Variants in LRRFIP2 observed in about 807,000 individuals in gnomAD.
LRRFIP2 encodes leucine-rich repeat flightless-interacting protein 2.
A neutral mutation model predicts 125.9 loss-of-function variants in LRRFIP2; 109 were observed. The observed-to-expected ratio is 0.87, with a 90% CI of 0.74 to 1.01. LRRFIP2 has a LOEUF of 1.01. Ranked by LOEUF, LRRFIP2 falls within the 50% of genes least tolerant of loss-of-function variation. LRRFIP2 has a pLI of 0.00. For synonymous variants in LRRFIP2, 291 were observed against 293.1 expected (o/e 0.99, Z 0.07); for missense variants, 850 against 862.3 (o/e 0.99, Z 0.18).
At chr3:37,126,190 T>C (rs111271236) in intron 4 of LRRFIP2, among the ~76,000 whole-genome samples, 3,518 of 151,810 alleles carry the variant, frequency 0.023, 62 homozygotes, top group Middle Eastern at 0.031. Flanking sequence ...CCAGCGTGCC[T>C]GGCTAATTTT....
At chr3:37,108,515 GATT>G in intron 12 of LRRFIP2, 119 bp downstream of exon 12, 1 of 764,934 alleles carries the variant, frequency 1.3e-6, no homozygotes, top group Non-Finnish European at 2.1e-6. Context: ...TTCCAGGTCA[GATT>G]AAATGACTTT....
rs1217003951 is a variant in LRRFIP2, at chr3:37,152,972, T to C, written c.-55-3934A>G. Among the ~76,000 whole-genome samples, 4 of 152,246 alleles carry C rather than the reference T, an allele frequency of 2.6e-5. No homozygotes were observed. In the East Asian group the frequency reaches 7.7e-4, roughly 29 times the overall value. On this transcript the variant is annotated intron_variant, in intron 1 of 27. Transcript: ENST00000336686. ...TTTTCTAATTCCAGACACATAAAAATCATTAGAGAATAAAAATAGATTTGG... is the reference window on the plus strand; with the variant it reads ...TTTTCTAATTCCAGACACATAAAAACCATTAGAGAATAAAAATAGATTTGG...
intron 1 of LRRFIP2, among the ~76,000 whole-genome samples, chr3:37,165,843 AAG>A (rs1180628285): frequency 6.7e-6 from 1 of 148,882 alleles, no homozygotes; most frequent in Non-Finnish European, 1.5e-5. Context: ...GAAAGAAAGA[AAG>A]AAAGAAAGAA....
At chr3:37,107,937 TTTATG>T in intron 13 of LRRFIP2, 131 bp downstream of exon 13, 1 of 581,988 alleles carries the variant, frequency 1.7e-6, no homozygotes, top group Non-Finnish European at 2.9e-6. Flanking sequence ...AGTGCTTGAG[TTTATG>T]TACTAAGGGA....
rs913945558 is a variant in LRRFIP2 at position 37,130,671 on chromosome 3, C to T, written c.91-1522G>A. Among the ~76,000 whole-genome samples the T allele has an allele frequency of 8.6e-4, 131 of 152,182 alleles. 1 individual carries two copies. Among genetic ancestry groups the T allele is most frequent in the South Asian group, 1.2e-3 (6 of 4,828 alleles). ...CTCAGGACGTCAATCATCCCTTTGT[C>T]GAGTATATCCATCCTGTCTATGCTA... On this transcript the variant is annotated intron_variant, in intron 2 of 27. Coordinates refer to ENST00000336686, the MANE Select transcript of LRRFIP2 (RefSeq NM_006309.4).
At chr3:37,053,984 C>A in intron 27 of LRRFIP2, 23 bp from the exon 28 acceptor site, 1 of 1,353,322 alleles carries the variant, frequency 7.4e-7, no homozygotes, top group South Asian at 1.2e-5. Context: ...AGAATGCAGT[C>A]ACTACATGTG....
At chr3:37,129,212 T>A in intron 2 of LRRFIP2, 63 bp from the exon 3 acceptor site, 2 of 1,454,426 alleles carry the variant, frequency 1.4e-6, no homozygotes, top group Non-Finnish European at 1.9e-6. Context: ...TACACCAGAT[T>A]TGAAAATAAA....
chr3:37,142,967 T>C (rs2095751926), intron 2 of LRRFIP2, among the ~76,000 whole-genome samples: 1 of 152,102 alleles, frequency 6.6e-6, no homozygotes, highest in Admixed American at 6.6e-5. Flanking sequence ...GTCATCGGGG[T>C]GGATCCCTCA....
At chr3:37,122,338 G>A (rs185071101) in intron 4 of LRRFIP2, among the ~76,000 whole-genome samples, 2 of 152,038 alleles carry the variant, frequency 1.3e-5, no homozygotes, top group Admixed American at 1.3e-4. Context: ...AATAATCTTG[G>A]CAATGTTCCT....
chr3:37,055,292 C>T (rs184905510), intron 25 of LRRFIP2, 127 bp from the exon 26 acceptor site: 148 of 543,168 alleles, frequency 2.7e-4, no homozygotes, highest in African/African-American at 1.4e-4. Context: ...GGGCTGGGCG[C>T]GGTGACTCAC....
chr3:37,112,223 C>A (rs2094570494), intron 8 of LRRFIP2, among the ~76,000 whole-genome samples: 1 of 151,512 alleles, frequency 6.6e-6, no homozygotes, highest in Non-Finnish European at 1.5e-5. Context: ...GTAATCCCAG[C>A]TACTTGGGAG....
intron 1 of LRRFIP2, among the ~76,000 whole-genome samples, chr3:37,158,974 T>C (rs1436915350): frequency 2.0e-5 from 3 of 152,228 alleles, no homozygotes; most frequent in African/African-American, 7.2e-5. Flanking sequence ...GAAGGTACTC[T>C]GAAGCACAAA....
At chr3:37,104,205 G>A (rs1412077105) in intron 14 of LRRFIP2, among the ~76,000 whole-genome samples, 5 of 152,012 alleles carry the variant, frequency 3.3e-5, no homozygotes, top group Non-Finnish European at 5.9e-5. Context: ...TTTCTATATA[G>A]TATTCCATTT....
At chr3:37,103,098 G>GT (rs772687698) in intron 14 of LRRFIP2, 85 bp from the exon 15 acceptor site, 5 of 1,023,800 alleles carry the variant, frequency 4.9e-6, no homozygotes, top group Non-Finnish European at 5.7e-6. Flanking sequence ...TTAGGGAAAA[G>GT]TTTTTTAAAA....
intron 12 of LRRFIP2, 47 bp from the exon 13 acceptor site, chr3:37,108,176 T>A: frequency 1.4e-6 from 2 of 1,444,796 alleles, no homozygotes; most frequent in African/African-American, 1.4e-5. Flanking sequence ...GATCACCTCA[T>A]TATTCTAATG....
At chr3:37,163,266 T>C (rs1174026325) in intron 1 of LRRFIP2, among the ~76,000 whole-genome samples, 1 of 152,220 alleles carries the variant, frequency 6.6e-6, no homozygotes, top group East Asian at 1.9e-4. Context: ...CAAAACAAAA[T>C]GATATATTTC....
intron 19 of LRRFIP2, among the ~76,000 whole-genome samples, chr3:37,078,777 A>C (rs1430827776): frequency 6.6e-6 from 1 of 152,228 alleles, no homozygotes; most frequent in Non-Finnish European, 1.5e-5. Context: ...GAAAATGTAC[A>C]AGATGAGACT....
chr3:37,166,581 G>T (rs947323465), intron 1 of LRRFIP2, among the ~76,000 whole-genome samples: 3 of 152,142 alleles, frequency 2.0e-5, no homozygotes, highest in African/African-American at 4.8e-5. Flanking sequence ...GCTCAGCCGG[G>T]CATGATGGCT....
At chr3:37,106,302 A>G (rs1475502276) in intron 13 of LRRFIP2, among the ~76,000 whole-genome samples, 1 of 152,190 alleles carries the variant, frequency 6.6e-6, no homozygotes, top group East Asian at 1.9e-4. Context: ...ATTCATTCCT[A>G]TGCAGCTAGT....
Sources: gnomAD v4.1 joint callset for allele counts (sites outside exome capture counted in the v4.1 genomes callset) on GRCh38, gnomAD v4.1.1 for gene constraint, MANE v1.5 for transcripts, NCBI Gene and HGNC (gene_info 2026-07-23, HGNC 2026-07-21) for gene names.